Variants in ADAMTS17 observed in about 807,000 individuals in gnomAD.
The protein encoded by ADAMTS17 is ADAM metallopeptidase with thrombospondin type 1 motif 17.
In ADAMTS17, 113 loss-of-function variants were observed where a neutral mutation model predicts 141.5. The ratio of observed to expected loss-of-function variants is 0.80; its 90% confidence interval spans 0.69 to 0.93. The LOEUF is 0.93. Among genes scored for constraint, ADAMTS17 ranks in the 40% least tolerant of loss-of-function variants. The probability of loss-of-function intolerance (pLI) is 0.00; values close to 1 mark genes in which losing one functional copy is unlikely to be tolerated. For missense variants in ADAMTS17, 1,659 were observed against 1,517.9 expected, an observed-to-expected ratio of 1.09 and a Z score of -1.54; for synonymous variants, 768 against 630.6, an observed-to-expected ratio of 1.22 and a Z score of -3.27.
intron 13 of ADAMTS17, among the ~76,000 whole-genome samples, chr15:100,111,143 C>T (rs2036752923): frequency 6.6e-6 from 1 of 152,190 alleles, no homozygotes; most frequent in Admixed American, 6.5e-5. Flanking sequence ...CATCCATTCA[C>T]CAAGCAGGGA....
chr15:100,322,110 A>T (rs1216810637), intron 3 of ADAMTS17, among the ~76,000 whole-genome samples: 1 of 152,188 alleles, frequency 6.6e-6, no homozygotes, highest in Non-Finnish European at 1.5e-5. Flanking sequence ...AGGTTGGAAG[A>T]TGTGGGTGGA....
At chr15:100,292,820 A>G (rs1181260994) in intron 3 of ADAMTS17, among the ~76,000 whole-genome samples, 3 of 152,114 alleles carry the variant, frequency 2.0e-5, no homozygotes, top group African/African-American at 7.2e-5. Flanking sequence ...CCAGAGGGGG[A>G]AAAAAAGAAT....
chr15:100,027,639 G>T (rs1392535044), intron 18 of ADAMTS17, among the ~76,000 whole-genome samples: 2 of 152,230 alleles, frequency 1.3e-5, no homozygotes, highest in African/African-American at 4.8e-5. Context: ...TATACAGCTT[G>T]TAAAGCCTAA....
At chr15:100,321,588 A>G (rs2045735469) in intron 3 of ADAMTS17, among the ~76,000 whole-genome samples, 1 of 152,208 alleles carries the variant, frequency 6.6e-6, no homozygotes, top group Non-Finnish European at 1.5e-5. Context: ...GGAAGGACAA[A>G]AGTATTGGCA....
In ADAMTS17 at chr15:100,060,146, C is replaced by T. The variant is rs188821432; in HGVS notation, c.2138-6092G>A. Among the ~76,000 whole-genome samples the T allele has an allele frequency of 2.0e-3, 306 of 152,336 alleles. 4 individuals carry two copies. Among genetic ancestry groups the T allele is most frequent in the Admixed American group, 0.018 (275 of 15,296 alleles). ...TTGATTTTATCTGTGAATTCTGAAG[C>T]TCTGGTTTGCTGGGGAGATTTTCCC... On this transcript the variant is annotated intron_variant, in intron 15 of 21. Coordinates refer to ENST00000268070, the MANE Select transcript of ADAMTS17 (RefSeq NM_139057.4).
chr15:100,103,762 G>A (rs1272765350), intron 14 of ADAMTS17, among the ~76,000 whole-genome samples: 1 of 152,136 alleles, frequency 6.6e-6, no homozygotes, highest in African/African-American at 2.4e-5. Flanking sequence ...TTTTGGTAGA[G>A]ACGGGGTTTC....
At chr15:100,019,983 C>G (rs1419456294) in intron 18 of ADAMTS17, among the ~76,000 whole-genome samples, 3 of 126,318 alleles carry the variant, frequency 2.4e-5, no homozygotes, top group African/African-American at 1.0e-4. Flanking sequence ...CCCCAAGCCT[C>G]TTGTCCTAAG....
intron 13 of ADAMTS17, among the ~76,000 whole-genome samples, chr15:100,109,682 G>A (rs1008255400): frequency 6.6e-6 from 1 of 152,096 alleles, no homozygotes; most frequent in Non-Finnish European, 1.5e-5. Context: ...GCGCCGCTAG[G>A]ACAACTTATA....
intron 12 of ADAMTS17, among the ~76,000 whole-genome samples, chr15:100,124,596 C>A (rs2037627416): frequency 6.6e-6 from 1 of 152,220 alleles, no homozygotes; most frequent in African/African-American, 2.4e-5. Flanking sequence ...GCCCCAGGGG[C>A]CAGCAACTGC....
chr15:100,309,617 T>C (rs144557444), intron 3 of ADAMTS17, among the ~76,000 whole-genome samples: 1,895 of 152,308 alleles, frequency 0.012, 15 homozygotes, highest in Non-Finnish European at 0.019. Context: ...GTGCCAGGCA[T>C]GTGGACAACG....
intron 8 of ADAMTS17, among the ~76,000 whole-genome samples, chr15:100,192,306 C>G (rs546409414): frequency 1.3e-5 from 2 of 152,192 alleles, no homozygotes; most frequent in Admixed American, 6.5e-5. Context: ...TAAGCAGGAA[C>G]TGGGGATGAG....
At chr15:99,975,662 G>T (rs953967285) in intron 21 of ADAMTS17, among the ~76,000 whole-genome samples, 1 of 152,146 alleles carries the variant, frequency 6.6e-6, no homozygotes, top group Non-Finnish European at 1.5e-5. Flanking sequence ...ATCAGCCTGG[G>T]GTGTGCCCCA....
At chr15:100,141,473 A>G (rs530040632) in intron 10 of ADAMTS17, among the ~76,000 whole-genome samples, 2 of 152,348 alleles carry the variant, frequency 1.3e-5, no homozygotes, top group South Asian at 2.1e-4. Context: ...ACACAAGCCA[A>G]AAGAGAGAGA....
chr15:100,220,629 A>G (rs919817407), intron 7 of ADAMTS17, among the ~76,000 whole-genome samples: 3 of 152,160 alleles, frequency 2.0e-5, no homozygotes, highest in African/African-American at 2.4e-5. Flanking sequence ...GAAGATTTTC[A>G]TCACTCTTAT....
At chr15:100,003,214 G>A (rs190626813) in intron 18 of ADAMTS17, among the ~76,000 whole-genome samples, 2 of 152,214 alleles carry the variant, frequency 1.3e-5, no homozygotes, top group African/African-American at 4.8e-5. Flanking sequence ...GGCAGCTCAG[G>A]GCACAGCCCT....
intron 14 of ADAMTS17, among the ~76,000 whole-genome samples, chr15:100,098,372 G>T (rs545080434): frequency 6.6e-6 from 1 of 152,104 alleles, no homozygotes; most frequent in South Asian, 2.1e-4. Flanking sequence ...GGGCTGGCCC[G>T]GTGCGGTGGC....
chr15:100,158,313 C>G (rs189436189), intron 8 of ADAMTS17, among the ~76,000 whole-genome samples: 5 of 152,252 alleles, frequency 3.3e-5, no homozygotes, highest in African/African-American at 9.6e-5. Flanking sequence ...CTCCATTCAG[C>G]TTTAAAAAAA....
intron 3 of ADAMTS17, among the ~76,000 whole-genome samples, chr15:100,315,893 G>A (rs1388398078): frequency 6.6e-6 from 1 of 152,236 alleles, no homozygotes; most frequent in Admixed American, 6.5e-5. Context: ...GGAACCACGG[G>A]GGCAGAGGGT....
At chr15:100,062,461 A>G (rs1441780291) in intron 15 of ADAMTS17, among the ~76,000 whole-genome samples, 2 of 152,092 alleles carry the variant, frequency 1.3e-5, no homozygotes, top group Middle Eastern at 3.2e-3. Flanking sequence ...GCATTTCCTA[A>G]CTCTTCAACA....
Sources: gnomAD v4.1 joint callset for allele counts (sites outside exome capture counted in the v4.1 genomes callset) on GRCh38, gnomAD v4.1.1 for gene constraint, MANE v1.5 for transcripts, NCBI Gene and HGNC (gene_info 2026-07-23, HGNC 2026-07-21) for gene names.